Variants in EPSTI1 observed in about 807,000 individuals in gnomAD.
EPSTI1 encodes epithelial-stromal interaction protein 1.
Under a neutral mutation model 49.9 loss-of-function variants are expected in EPSTI1, and 66 were observed. That is an observed-to-expected ratio of 1.32 (90% CI 1.08 to 1.62). EPSTI1 has a LOEUF of 1.62. EPSTI1 is among the 40% of genes most tolerant of loss of function. The pLI is 0.00. For missense variants in EPSTI1, 394 were observed against 365.5 expected, an observed-to-expected ratio of 1.08 and a Z score of -0.64; for synonymous variants, 137 against 130.7, an observed-to-expected ratio of 1.05 and a Z score of -0.33.
At chr13:42,931,422 G>T (rs1261348786) in intron 6 of EPSTI1, among the ~76,000 whole-genome samples, 2 of 151,252 alleles carry the variant, frequency 1.3e-5, no homozygotes, top group African/African-American at 4.9e-5. Context: ...AGCCAGGATG[G>T]TCTCGATCTC....
chr13:42,968,954 AATTAAATGCATTC>A (rs2039695674), intron 3 of EPSTI1, 127 bp downstream of exon 3: 55 of 540,188 alleles, frequency 1.0e-4, no homozygotes, highest in Non-Finnish European at 1.4e-4. Context: ...ACACACACAC[AATTAAATGCATTC>A]CACCCAAGCA....
intron 6 of EPSTI1, among the ~76,000 whole-genome samples, chr13:42,926,642 A>G (rs1052487021): frequency 2.6e-5 from 4 of 152,222 alleles, no homozygotes; most frequent in Non-Finnish European, 5.9e-5. Context: ...ACAAAATTAT[A>G]AAACTAGCTT....
chr13:42,967,308 A>G (rs6561099), intron 3 of EPSTI1, among the ~76,000 whole-genome samples: 29,233 of 41,086 alleles, frequency 0.71, 11,849 homozygotes, highest in African/African-American at 0.83. Context: ...AAAAAAAAAA[A>G]AAAGAAAATC....
chr13:42,895,199 T>C, intron 9 of EPSTI1, 91 bp from the exon 10 acceptor site: 2 of 927,132 alleles, frequency 2.2e-6, no homozygotes, highest in Non-Finnish European at 3.3e-6. Flanking sequence ...GAACTGACCA[T>C]GGGGATAGCT....
At chr13:42,965,344 T>C (rs951350387) in intron 3 of EPSTI1, among the ~76,000 whole-genome samples, 2 of 152,142 alleles carry the variant, frequency 1.3e-5, no homozygotes, top group Non-Finnish European at 2.9e-5. Flanking sequence ...CACACACACA[T>C]ACCTGACTAA....
At chr13:42,927,142 G>GA (rs2038209403) in intron 6 of EPSTI1, among the ~76,000 whole-genome samples, 2 of 152,056 alleles carry the variant, frequency 1.3e-5, no homozygotes, top group Non-Finnish European at 2.9e-5. Context: ...TTTTAGCTCT[G>GA]AAAAATTGAC....
intron 6 of EPSTI1, among the ~76,000 whole-genome samples, chr13:42,943,167 T>A (rs2038813426): frequency 6.6e-6 from 1 of 152,224 alleles, no homozygotes; most frequent in Non-Finnish European, 1.5e-5. Flanking sequence ...ATAGAAGTGA[T>A]GAAGTTGGCT....
intron 8 of EPSTI1, among the ~76,000 whole-genome samples, chr13:42,905,362 A>G (rs7995371): frequency 0.52 from 78,357 of 152,028 alleles, 20,299 homozygotes; most frequent in Admixed American, 0.56. Flanking sequence ...CTAGCAAAGC[A>G]TATTTACTAA....
intron 3 of EPSTI1, 50 bp from the exon 4 acceptor site, chr13:42,964,189 T>C: frequency 1.3e-6 from 2 of 1,482,468 alleles, no homozygotes; most frequent in African/African-American, 1.4e-5. Flanking sequence ...TAAGCTGAAA[T>C]GTCAGCCATC....
chr13:42,968,784 A>G (rs2039685160), intron 3 of EPSTI1, among the ~76,000 whole-genome samples: 1 of 152,074 alleles, frequency 6.6e-6, no homozygotes, highest in African/African-American at 2.4e-5. Flanking sequence ...GGGCATATGC[A>G]GCGCCCCAGG....
chr13:42,989,032 A>ATTTTTT (rs74772535), intron 1 of EPSTI1, among the ~76,000 whole-genome samples: 29 of 96,120 alleles, frequency 3.0e-4, no homozygotes, highest in East Asian at 1.3e-3. Context: ...GATAATTTAA[A>ATTTTTT]TTTTTTTTTT....
intron 6 of EPSTI1, among the ~76,000 whole-genome samples, chr13:42,931,489 G>A (rs1463543911): frequency 6.6e-6 from 1 of 152,198 alleles, no homozygotes; most frequent in Non-Finnish European, 1.5e-5. Flanking sequence ...ACAGGCGTGA[G>A]CCACCGCGCC....
chr13:42,961,908 G>A (rs1424644732), intron 5 of EPSTI1, among the ~76,000 whole-genome samples: 1 of 152,174 alleles, frequency 6.6e-6, no homozygotes, highest in Non-Finnish European at 1.5e-5. Context: ...GTCCATGTGT[G>A]TGTTTGCTGT....
chr13:42,938,845 G>A (rs1486346940), intron 6 of EPSTI1, among the ~76,000 whole-genome samples: 1 of 141,434 alleles, frequency 7.1e-6, no homozygotes, highest in Non-Finnish European at 1.5e-5. Context: ...AACCTGGGAG[G>A]AGGAGGTTGC....
intron 7 of EPSTI1, among the ~76,000 whole-genome samples, chr13:42,920,334 C>T (rs1324886804): frequency 6.6e-6 from 1 of 152,180 alleles, no homozygotes; most frequent in Non-Finnish European, 1.5e-5. Context: ...TACACACAAG[C>T]TCTATCTTCC....
chr13:42,915,746 T>C (rs2147352), intron 8 of EPSTI1, among the ~76,000 whole-genome samples: 141,763 of 152,242 alleles, frequency 0.93, 66,873 homozygotes, highest in East Asian at 1. Context: ...TAAAAGGATA[T>C]ATAATAAAAA....
At chr13:42,990,590 T>G (rs1188082664) in intron 1 of EPSTI1, among the ~76,000 whole-genome samples, 1 of 152,232 alleles carries the variant, frequency 6.6e-6, no homozygotes, top group Non-Finnish European at 1.5e-5. Context: ...TGAAAGTAAT[T>G]GGCTGCTTCT....
At chr13:42,915,405 C>T (rs7985265) in intron 8 of EPSTI1, among the ~76,000 whole-genome samples, 26,953 of 152,038 alleles carry the variant, frequency 0.18, 2,495 homozygotes, top group Non-Finnish European at 0.2. Context: ...TAGTGGCATG[C>T]ACCTGTAATC....
At chr13:42,975,968 T>C (rs1479332899) in intron 1 of EPSTI1, among the ~76,000 whole-genome samples, 1 of 152,222 alleles carries the variant, frequency 6.6e-6, no homozygotes, top group African/African-American at 2.4e-5. Context: ...ACTTACAAAA[T>C]GTCTTGTAAC....
Sources: gnomAD v4.1 joint callset for allele counts (sites outside exome capture counted in the v4.1 genomes callset) on GRCh38, gnomAD v4.1.1 for gene constraint, MANE v1.5 for transcripts, NCBI Gene and HGNC (gene_info 2026-07-23, HGNC 2026-07-21) for gene names.